PTPRN2: variants seen among roughly 807,000 people sequenced by gnomAD.
PTPRN2 encodes protein tyrosine phosphatase receptor type N2.
Under a neutral mutation model 118.8 loss-of-function variants are expected in PTPRN2, and 74 were observed. The ratio of observed to expected loss-of-function variants is 0.62; its 90% CI spans 0.52 to 0.76. PTPRN2 has a LOEUF of 0.76. PTPRN2 is among the 30% of genes least tolerant of loss of function. PTPRN2 has a pLI of 0.00. For missense variants in PTPRN2, 1,481 were observed against 1,394.4 expected (o/e 1.06, Z -0.99); for synonymous variants, 641 against 608.0 (o/e 1.05, Z -0.80).
chr7:157,714,701 A>G (rs969963209), intron 12 of PTPRN2, among the ~76,000 whole-genome samples: 2 of 152,212 alleles, frequency 1.3e-5, no homozygotes, highest in African/African-American at 4.8e-5. Flanking sequence ...GCCCAGTCCG[A>G]CGTGCTTCTC....
chr7:158,034,531 C>CT (rs1807956314), intron 11 of PTPRN2, among the ~76,000 whole-genome samples: 2 of 151,916 alleles, frequency 1.3e-5, no homozygotes, highest in South Asian at 2.1e-4. Context: ...CTTGCTCCTC[C>CT]TTGCCTTCCA....
At chr7:157,643,754 C>G (rs928920743) in intron 14 of PTPRN2, among the ~76,000 whole-genome samples, 1 of 152,228 alleles carries the variant, frequency 6.6e-6, no homozygotes, top group Non-Finnish European at 1.5e-5. Context: ...AGGCTCCAGC[C>G]AGGAAGTGTG....
chr7:158,373,811 G>A lies in PTPRN2; in HGVS notation c.164-56879C>T, dbSNP rs141867456. On this transcript the variant is annotated intron_variant, in intron 2 of 22. Coordinates refer to ENST00000389418, the MANE Select transcript of PTPRN2 (RefSeq NM_002847.5). ...GCCAGCCTGCAGGCCAGGAAAGGGA[G>A]ACGCTCTCATCCGGCAGCATCTGGG... Among the ~76,000 whole-genome samples, 244 of 152,356 alleles carry A rather than the reference G, an allele frequency of 1.6e-3. 1 individual carries two copies. The highest frequency in any genetic ancestry group is 6.1e-3 in the Admixed American group (94 of 15,308).
intron 6 of PTPRN2, among the ~76,000 whole-genome samples, chr7:158,157,576 G>A (rs921122076): frequency 6.6e-6 from 1 of 152,220 alleles, no homozygotes; most frequent in Non-Finnish European, 1.5e-5. Context: ...GGGTGGAGCC[G>A]AGCAGTGCAG....
intron 12 of PTPRN2, among the ~76,000 whole-genome samples, chr7:157,777,949 G>A (rs1274633785): frequency 2.0e-5 from 3 of 146,888 alleles, no homozygotes; most frequent in Admixed American, 6.8e-5. Context: ...AACATTAAAG[G>A]ACCTTTAGAA....
intron 5 of PTPRN2, among the ~76,000 whole-genome samples, chr7:158,169,417 A>AGTGAGTGTGT (rs1823325482): frequency 7.3e-6 from 1 of 136,526 alleles, no homozygotes; most frequent in Non-Finnish European, 1.6e-5. Flanking sequence ...TGCTTTTGTG[A>AGTGAGTGTGT]GTGTGTGTGT....
intron 20 of PTPRN2, 114 bp downstream of exon 20, chr7:157,571,326 G>A: frequency 1.2e-6 from 1 of 803,576 alleles, no homozygotes; most frequent in Admixed American, 2.7e-5. Context: ...TCCTTTAGAA[G>A]TGCCAGTTAG....
chr7:158,294,784 G>T (rs1248688136), intron 3 of PTPRN2, among the ~76,000 whole-genome samples: 1 of 152,244 alleles, frequency 6.6e-6, no homozygotes, highest in African/African-American at 2.4e-5. Flanking sequence ...ACCTTTCTGA[G>T]GGTCCAAGCC....
chr7:157,867,335 A>G (rs184967521), intron 12 of PTPRN2, among the ~76,000 whole-genome samples: 367 of 17,140 alleles, frequency 0.021, 2 homozygotes, highest in Middle Eastern at 0.045. Context: ...TGTCCCTGAC[A>G]CCCTGGATAC....
At chr7:158,456,941 A>G (rs1818554214) in intron 2 of PTPRN2, among the ~76,000 whole-genome samples, 1 of 152,188 alleles carries the variant, frequency 6.6e-6, no homozygotes, top group Non-Finnish European at 1.5e-5. Flanking sequence ...GAGGGCTTTA[A>G]AAAATGTCAT....
At chr7:158,324,166 G>T (rs532755186) in intron 2 of PTPRN2, among the ~76,000 whole-genome samples, 1 of 151,992 alleles carries the variant, frequency 6.6e-6, no homozygotes, top group African/African-American at 2.4e-5. Flanking sequence ...CACAGTCTCC[G>T]CATAGACAAG....
chr7:158,434,713 A>G (rs1816457344), intron 2 of PTPRN2, among the ~76,000 whole-genome samples: 2 of 151,646 alleles, frequency 1.3e-5, no homozygotes, highest in Admixed American at 1.3e-4. Flanking sequence ...CATCTGTTTT[A>G]TTTTTCCTTT....
At chr7:157,594,888 T>A (rs1801203765) in intron 17 of PTPRN2, among the ~76,000 whole-genome samples, 1 of 152,206 alleles carries the variant, frequency 6.6e-6, no homozygotes, top group Admixed American at 6.5e-5. Flanking sequence ...ACTTGGGTCC[T>A]GCTGTGACCG....
intron 3 of PTPRN2, among the ~76,000 whole-genome samples, chr7:158,217,329 C>T (rs1336565681): frequency 6.6e-6 from 1 of 152,206 alleles, no homozygotes; most frequent in Non-Finnish European, 1.5e-5. Flanking sequence ...TTAGAGCATA[C>T]AGCCCAGGAG....
chr7:158,459,389 A>G (rs1183855089), intron 2 of PTPRN2, among the ~76,000 whole-genome samples: 6 of 150,034 alleles, frequency 4.0e-5, no homozygotes, highest in African/African-American at 1.2e-4. Context: ...CGGGCTCCAG[A>G]ATCCAGAGCC....
chr7:158,018,858 G>A (rs1360553357), intron 11 of PTPRN2, among the ~76,000 whole-genome samples: 1 of 151,586 alleles, frequency 6.6e-6, no homozygotes, highest in Non-Finnish European at 1.5e-5. Flanking sequence ...CTACTTGGGA[G>A]GCTGAGGCAG....
intron 13 of PTPRN2, among the ~76,000 whole-genome samples, chr7:157,680,584 T>C (rs947812623): frequency 4.6e-5 from 7 of 152,246 alleles, no homozygotes; most frequent in Non-Finnish European, 8.8e-5. Flanking sequence ...TCCTCACTAC[T>C]GCGTCCTGCT....
intron 11 of PTPRN2, among the ~76,000 whole-genome samples, chr7:158,054,708 A>G (rs1420716656): frequency 6.6e-6 from 1 of 152,136 alleles, no homozygotes; most frequent in Non-Finnish European, 1.5e-5. Flanking sequence ...CAGGCACCAG[A>G]GCCTCCACCT....
At chr7:157,955,723 C>T (rs951622870) in intron 11 of PTPRN2, among the ~76,000 whole-genome samples, 1 of 152,162 alleles carries the variant, frequency 6.6e-6, no homozygotes, top group African/African-American at 2.4e-5. Flanking sequence ...CGCAGCTCAG[C>T]CCCGCAGGGT....
Sources: allele counts gnomAD v4.1 joint callset (sites outside exome capture counted in the v4.1 genomes callset), GRCh38; gene constraint gnomAD v4.1.1; transcripts MANE v1.5; gene names NCBI Gene and HGNC (gene_info 2026-07-23, HGNC 2026-07-21).